KIF7: variants seen among roughly 807,000 people sequenced by gnomAD.
KIF7 encodes kinesin-like protein KIF7.
In KIF7, 104 loss-of-function variants were observed where a neutral mutation model predicts 135.7. That is an observed-to-expected ratio of 0.77 (90% CI 0.65 to 0.90). The LOEUF is 0.90. Among genes scored for constraint, KIF7 ranks in the 40% least tolerant of loss-of-function variants. The pLI is 0.00. For synonymous variants in KIF7, 883 were observed against 809.4 expected, an observed-to-expected ratio of 1.09 and a Z score of -1.54; for missense variants, 2,005 against 1,839.1, an observed-to-expected ratio of 1.09 and a Z score of -1.65.
At chr15:89,629,629 A>G in intron 16 of KIF7, 56 bp from the exon 17 acceptor site, 1 of 1,596,860 alleles carries the variant, frequency 6.3e-7, no homozygotes, top group Non-Finnish European at 8.5e-7. Flanking sequence ...TCATCCAGCT[A>G]ATCCTCAATC....
Position 89,649,086 on chromosome 15 carries a change from CCTT to C in KIF7, c.808_810del (p.Lys270del), listed in dbSNP as rs763114068. Reference sequence around the variant, plus strand: ...AGGCTGCTGTTGATCTGGATGCTCTCCTTGAGCCGCTCGCCGGTGCTGCCCGTC... The same window carrying C: ...AGGCTGCTGTTGATCTGGATGCTCTCGAGCCGCTCGCCGGTGCTGCCCGTC... On this transcript the variant is annotated inframe_deletion, in exon 4 of 19. Transcript: ENST00000394412. The C allele has an allele frequency of 5.2e-6, 8 of 1,548,086 alleles. No individual in the cohort carries two copies. Among genetic ancestry groups the C allele is most frequent in the Non-Finnish European group, 7.0e-6 (8 of 1,146,770 alleles).
intron 10 of KIF7, among the ~76,000 whole-genome samples, chr15:89,644,367 G>A (rs1042112429): frequency 6.6e-6 from 1 of 152,162 alleles, no homozygotes; most frequent in African/African-American, 2.4e-5. Flanking sequence ...CTGAAACATT[G>A]CAGGCACTCG....
chr15:89,629,634 T>TC (rs1299220154), intron 16 of KIF7, 61 bp from the exon 17 acceptor site: 20 of 1,595,710 alleles, frequency 1.3e-5, no homozygotes, highest in Non-Finnish European at 1.7e-5. Flanking sequence ...CAGCTAATCC[T>TC]CAATCACAGA....
At chr15:89,624,278 G>C (rs140999151), downstream of KIF7, 102 of 1,614,154 alleles carry the variant, frequency 6.3e-5, no homozygotes, top group African/African-American at 1.1e-3. Context: ...TCCAAGAAGA[G>C]TCCATTTAGG....
Position 89,633,852 on chromosome 15 carries a change from C to T in KIF7, c.2426G>A (p.Arg809Gln), listed in dbSNP as rs758378987. ...VLKEKKQATE[R>Q]LVSLSAQSEK... is the part of the protein sequence containing the mutation. Reference sequence around the variant, plus strand: ...ACTCTGGGCCGACAGTGACACCAGCCGCTCCGTAGCCTGCTTCTTCTCCTT... The same window carrying T: ...ACTCTGGGCCGACAGTGACACCAGCTGCTCCGTAGCCTGCTTCTTCTCCTT... The change falls in exon 12 of 19, where the codon CGG (arginine) becomes CAG (glutamine). Residue 809 changes from arginine to glutamine, a missense_variant. By Grantham distance (43) the Arg-to-Gln change is conservative. Transcript: ENST00000394412. The T allele has an allele frequency of 5.6e-5, 90 of 1,613,696 alleles. No homozygotes were observed. Among genetic ancestry groups the T allele is most frequent in the African/African-American group, 3.2e-4 (24 of 74,954 alleles).
At chr15:89,621,160 C>T (rs1963418752) in intron 1 of KIF7, among the ~76,000 whole-genome samples, 2 of 152,116 alleles carry the variant, frequency 1.3e-5, no homozygotes, top group Admixed American at 6.5e-5. Flanking sequence ...GCTGGGATTA[C>T]AGGCCCCTGC....
At position 89,628,540 on chromosome 15, in the gene KIF7, C is replaced by A; in HGVS notation, c.3911G>T (p.Gly1304Val). 6.2e-7 allele frequency: 1 copy of A among 1,613,284 alleles called. No homozygotes were observed. The highest frequency in any genetic ancestry group is 1.3e-5 in the African/African-American group (1 of 75,056). ...RQREAAEPLV[G>V]RVLPVGEAGL... ...TGCCTCACCCACAGGAAGCACCCGCCCCACCAGGGGCTCAGCCGCCTCCCG... is the reference window on the plus strand; with the variant it reads ...TGCCTCACCCACAGGAAGCACCCGCACCACCAGGGGCTCAGCCGCCTCCCG... Residue 1304 changes from glycine (G) to valine (V), a missense_variant, in exon 19 of 19, where the codon GGG (glycine) becomes GTG (valine). Coordinates refer to ENST00000394412, the MANE Select transcript of KIF7 (RefSeq NM_198525.3).
At chr15:89,657,745 G>A (rs575868295), upstream of KIF7, among the ~76,000 whole-genome samples, 1 of 152,322 alleles carries the variant, frequency 6.6e-6, no homozygotes, top group Non-Finnish European at 1.5e-5. Flanking sequence ...GACATCATGA[G>A]CTTCAGAAGA....
intron 14 of KIF7, 42 bp downstream of exon 14, chr15:89,632,778 A>G (rs1963707744): frequency 6.3e-7 from 1 of 1,582,948 alleles, no homozygotes; most frequent in African/African-American, 1.3e-5. Context: ...ACCTCACTTC[A>G]CTGGACCTCA....
intron 7 of KIF7, among the ~76,000 whole-genome samples, chr15:89,646,629 G>A (rs1964017850): frequency 6.6e-6 from 1 of 152,150 alleles, no homozygotes; most frequent in African/African-American, 2.4e-5. Context: ...ATGCCCGATG[G>A]CACTGCACCC....
intron 2 of KIF7, 103 bp downstream of exon 2, chr15:89,652,500 T>A: frequency 1.1e-6 from 1 of 914,602 alleles, no homozygotes; most frequent in Non-Finnish European, 1.6e-6. Flanking sequence ...TCCCCCAGCA[T>A]CCCCACCTTC....
intron 17 of KIF7, 99 bp from the exon 18 acceptor site, chr15:89,629,221 GTT>G: frequency 8.7e-7 from 1 of 1,151,484 alleles, no homozygotes; most frequent in Non-Finnish European, 1.2e-6. Context: ...GGGGGCCGGG[GTT>G]GTGAGCGGTG....
downstream of KIF7, chr15:89,624,379 G>T (rs115865608): frequency 4.3e-4 from 693 of 1,614,056 alleles, 1 homozygote; most frequent in African/African-American, 7.7e-3. Context: ...CTCCTGCCCT[G>T]TTCCCTCAAC....
intron 15 of KIF7, chr15:89,630,851 C>T: frequency 2.5e-6 from 1 of 397,076 alleles, no homozygotes; most frequent in Non-Finnish European, 4.8e-6. Flanking sequence ...CTAAGAAATG[C>T]ATCATTAGGC....
At chr15:89,653,056 G>T in intron 1 of KIF7, 102 bp from the exon 2 acceptor site, 1 of 945,272 alleles carries the variant, frequency 1.1e-6, no homozygotes, top group Non-Finnish European at 1.5e-6. Context: ...CCTGACCTTG[G>T]AGGGATTGGG....
At position 89,633,793 on chromosome 15, in the gene KIF7, G is replaced by A; in HGVS notation, c.2485C>T (p.Gln829Ter). 1.2e-6 allele frequency: 2 copies of A among 1,612,194 alleles called. No individual in the cohort carries two copies. The highest frequency in any genetic ancestry group is 1.7e-6 in the Non-Finnish European group (2 of 1,180,024). The change falls in exon 12 of 19, where the codon CAG (glutamine) becomes TAG (stop). Residue 829 changes from glutamine to a stop codon, truncating the protein, a stop_gained. Transcript: ENST00000394412. LOFTEE classifies it high-confidence loss of function. Reference protein sequence around the residue: ...KRLQELERNVQLMRQQQGQLQ... With the variant: ...KRLQELERNV ...TGTCCCTGCTGCTGCCGCATGAGCT[G>A]CACGTTCCGCTCGAGCTCCTGCAGT... is the stretch of plus-strand genomic sequence containing the variant.
At chr15:89,658,155 C>A (rs1449730747), upstream of KIF7, among the ~76,000 whole-genome samples, 1 of 152,128 alleles carries the variant, frequency 6.6e-6, no homozygotes, top group South Asian at 2.1e-4. Flanking sequence ...CAGTTTATTT[C>A]GAGAGAAACT....
chr15:89,646,033 GA>G lies in KIF7; in HGVS notation c.1789-8del, dbSNP rs747332157. 9 of 1,613,622 alleles carry G rather than the reference GA, an allele frequency of 5.6e-6. No homozygotes were observed. The South Asian group carries it at 8.8e-5, about 16-fold the overall frequency. On this transcript the variant is annotated splice_polypyrimidine_tract_variant and splice_region_variant and intron_variant, in intron 7 of 18. Transcript: ENST00000394412. ...CCCTGCCATTTGTCACCTGCTAGGG[GA>G]GTGAGCCATTTCCCATCCCAAGTCA...
Position 89,633,192 on chromosome 15 carries a change from CCTCTGGAATGCCGCGAT to C in KIF7, c.2650_2666del (p.Ile884GlufsTer20). 1 of 1,605,352 alleles carries C rather than the reference CCTCTGGAATGCCGCGAT, an allele frequency of 6.2e-7. No individual in the cohort carries two copies. Among genetic ancestry groups the C allele is most frequent in the Non-Finnish European group, 8.5e-7 (1 of 1,178,912 alleles). The stretch of plus-strand genomic sequence containing the variant: ...AGCCGTTGCTGCCACTGCGCCTCTT[CCTCTGGAATGCCGCGAT>C]CTCTTCCGTCTTAATCTTCAGGATC... On this transcript the variant is annotated frameshift_variant, in exon 13 of 19. Transcript: ENST00000394412. LOFTEE classifies it high-confidence loss of function.
Sources: gnomAD v4.1 joint callset for allele counts (sites outside exome capture counted in the v4.1 genomes callset) on GRCh38, gnomAD v4.1.1 for gene constraint, MANE v1.5 for transcripts, NCBI Gene and HGNC (gene_info 2026-07-23, HGNC 2026-07-21) for gene names.